Variants in TNFSF10 observed in about 807,000 individuals in gnomAD.
The protein encoded by TNFSF10 is tumor necrosis factor ligand superfamily member 10.
In TNFSF10, 13 loss-of-function variants were observed where a neutral mutation model predicts 29.5. The ratio of observed to expected loss-of-function variants is 0.44; its 90% CI spans 0.29 to 0.70. The LOEUF is 0.70. Among genes scored for constraint, TNFSF10 ranks in the 30% least tolerant of loss-of-function variants. The pLI is 0.13. For synonymous variants in TNFSF10, 111 were observed against 112.8 expected, an observed-to-expected ratio of 0.98 and a Z score of 0.10; for missense variants, 345 against 330.9, an observed-to-expected ratio of 1.04 and a Z score of -0.33.
chr3:172,518,221 A>T lies in TNFSF10; in HGVS notation c.133-3223T>A, dbSNP rs1349147201. 2.7e-6 allele frequency: 3 copies of T among 1,118,372 alleles called. No individual in the cohort carries two copies. In the Admixed American group the frequency reaches 1.4e-4, roughly 52 times the overall value. The allele number at this position is 1,118,372 out of a possible 1,614,324, so 69.3% of individuals were successfully genotyped here. A position where few individuals can be genotyped will look rare whatever the true frequency, so the allele number is the denominator to read the frequency against. Reference sequence around the variant, plus strand: ...GATTATTTTCATTTGCGTGCCTCTGAAAAGAAAGCTCTTGCACTGGGTGCC... The same window carrying T: ...GATTATTTTCATTTGCGTGCCTCTGTAAAGAAAGCTCTTGCACTGGGTGCC... On this transcript the variant is annotated intron_variant, in intron 1 of 4. Coordinates refer to ENST00000241261, the MANE Select transcript of TNFSF10 (RefSeq NM_003810.4).
At position 172,523,380 on chromosome 3, in the gene TNFSF10, G is replaced by A. The variant is rs542077277; in HGVS notation, c.5C>T (p.Ala2Val). 1.8e-5 allele frequency: 29 copies of A among 1,613,268 alleles called. No individual in the cohort carries two copies. Among genetic ancestry groups the A allele is most frequent in the Non-Finnish European group, 2.4e-5 (28 of 1,179,478 alleles). The stretch of plus-strand genomic sequence containing the variant: ...GGGTCCCCCCTGGACCTCCATCATA[G>A]CCATGATCCTGTCAGAGTCTGACTG... MAMMEVQGGPSL... is the reference protein window; with the variant it reads MVMMEVQGGPSL... The change falls in exon 1 of 5, where the codon GCT becomes GTT. Residue 2 changes from alanine to valine, a missense_variant. By Grantham distance (64) the Ala-to-Val change is moderately conservative. Transcript: ENST00000241261.
chr3:172,506,376 T>C lies in TNFSF10; in HGVS notation c.*116A>G. ...TACTCAGATTGCATAGAGGTTTTTT[T>C]GTTTTCTGTTTTCTGTTTGTTTGTT... On this transcript the variant is annotated 3_prime_UTR_variant, in exon 5 of 5. Transcript: ENST00000241261. 7.5e-7 allele frequency: 1 copy of C among 1,326,728 alleles called. No homozygotes were observed. The highest frequency in any genetic ancestry group is 2.5e-5 in the East Asian group (1 of 40,082). 82.2% of individuals were successfully genotyped at this position (1,326,728 alleles called of 1,614,324 possible).
Position 172,506,429 on chromosome 3 carries a change from T to G in TNFSF10, c.*63A>C. The G allele has an allele frequency of 1.3e-6, 2 of 1,499,032 alleles. No individual in the cohort carries two copies. 92.9% of individuals were successfully genotyped at this position (1,499,032 alleles called of 1,614,324 possible). ...GGTCAGATTTTTTGAAACATCTTCATAGTGTATCATCCTGAAAACTGAATA... is the reference window on the plus strand; with the variant it reads ...GGTCAGATTTTTTGAAACATCTTCAGAGTGTATCATCCTGAAAACTGAATA... On this transcript the variant is annotated 3_prime_UTR_variant, in exon 5 of 5. Coordinates refer to ENST00000241261, the MANE Select transcript of TNFSF10 (RefSeq NM_003810.4).
intron 4 of TNFSF10, among the ~76,000 whole-genome samples, chr3:172,508,154 G>A (rs547763052): frequency 3.9e-5 from 6 of 152,088 alleles, no homozygotes; most frequent in East Asian, 1.9e-4. Flanking sequence ...GACCAGCCTC[G>A]TGTAGTGGTG....
chr3:172,514,336 A>G (rs1440742967), intron 2 of TNFSF10, among the ~76,000 whole-genome samples: 1 of 152,152 alleles, frequency 6.6e-6, no homozygotes, highest in African/African-American at 2.4e-5. Flanking sequence ...AGAAAAAACC[A>G]CCTTCAATTT....
chr3:172,515,212 T>G (rs895184912), intron 1 of TNFSF10, among the ~76,000 whole-genome samples: 1 of 151,916 alleles, frequency 6.6e-6, no homozygotes, highest in African/African-American at 2.4e-5. Flanking sequence ...GTGGAAAGGA[T>G]GCAGGTGTGC....
Position 172,506,739 on chromosome 3 carries a change from GTGTTT to G in TNFSF10, c.594_598del (p.Glu198AspfsTer19). 6.2e-7 allele frequency: 1 copy of G among 1,614,132 alleles called. No homozygotes were observed. Among genetic ancestry groups the G allele is most frequent in the Non-Finnish European group, 8.5e-7 (1 of 1,180,008 alleles). Reference sequence around the variant, plus strand: ...TTGGACCATTTGTTTGTCGTTCTTTGTGTTTTCTTTTATTTCCTCCTGAAATCGAA... The same window carrying G: ...TTGGACCATTTGTTTGTCGTTCTTTGTCTTTTATTTCCTCCTGAAATCGAA... On this transcript the variant is annotated frameshift_variant, in exon 5 of 5. Coordinates refer to ENST00000241261, the MANE Select transcript of TNFSF10 (RefSeq NM_003810.4). LOFTEE classifies it high-confidence loss of function.
At chr3:172,511,057 G>A (rs1317724780) in intron 3 of TNFSF10, among the ~76,000 whole-genome samples, 1 of 152,162 alleles carries the variant, frequency 6.6e-6, no homozygotes, top group East Asian at 1.9e-4. Flanking sequence ...GCCAGCCTGG[G>A]CAACAGTAGT....
intron 4 of TNFSF10, among the ~76,000 whole-genome samples, chr3:172,507,861 A>G (rs1713052531): frequency 6.6e-6 from 1 of 152,214 alleles, no homozygotes; most frequent in South Asian, 2.1e-4. Context: ...GCCTCTGACA[A>G]AAATAAAGGT....
intron 1 of TNFSF10, among the ~76,000 whole-genome samples, chr3:172,519,034 A>G (rs976008309): frequency 1.1e-4 from 17 of 152,240 alleles, no homozygotes; most frequent in African/African-American, 4.1e-4. Context: ...AATCTTGAAC[A>G]AATCTCTTAA....
intron 2 of TNFSF10, among the ~76,000 whole-genome samples, chr3:172,512,886 A>G (rs1019029179): frequency 6.6e-6 from 1 of 152,228 alleles, no homozygotes; most frequent in Admixed American, 6.5e-5. Context: ...AAGTTATTTA[A>G]CTGATCTAAA....
At chr3:172,517,799 A>C in intron 1 of TNFSF10, 1 of 982,266 alleles carries the variant, frequency 1.0e-6, no homozygotes, top group Non-Finnish European at 1.2e-6. Context: ...GAAAAATAAA[A>C]AGGAAAAAAA....
Position 172,505,550 on chromosome 3 carries a change from T to C in TNFSF10, c.*942A>G, listed in dbSNP as rs1712943581. The C allele has an allele frequency of 6.6e-6, 1 of 152,100 alleles. No homozygotes were observed. The highest frequency in any genetic ancestry group is 2.1e-4 in the South Asian group (1 of 4,826). The allele number at this position is 152,100 out of a possible 1,614,324, so 9.4% of individuals were successfully genotyped here. A position where few individuals can be genotyped will look rare whatever the true frequency, so the allele number is the denominator to read the frequency against. ...TAAGAAATTTATTTCTTCTGTAATA[T>C]GTGTCAAAGATATTATGAAAAAAAG... On this transcript the variant is annotated 3_prime_UTR_variant, in exon 5 of 5. Transcript: ENST00000241261.
chr3:172,516,579 T>C (rs918089728), intron 1 of TNFSF10, among the ~76,000 whole-genome samples: 3 of 152,220 alleles, frequency 2.0e-5, no homozygotes, highest in Admixed American at 2.0e-4. Context: ...ACATAGATCA[T>C]TCATTTACTT....
chr3:172,506,936 G>A lies in TNFSF10; in HGVS notation c.419-17C>T, dbSNP rs9865753. 3.2e-6 allele frequency: 5 copies of A among 1,559,078 alleles called. No individual in the cohort carries two copies. The Admixed American group carries it at 1.0e-4, about 33-fold the overall frequency. ...TCTTGGAGTCTGTAGGAAATTTAGA[G>A]AGAAAGAGCGTTAACAGAAGGGAAT... is the stretch of plus-strand genomic sequence containing the variant. On this transcript the variant is annotated splice_polypyrimidine_tract_variant and intron_variant, in intron 4 of 4. Transcript: ENST00000241261.
chr3:172,517,524 C>A (rs1340674780), intron 1 of TNFSF10: 13 of 984,302 alleles, frequency 1.3e-5, no homozygotes, highest in Non-Finnish European at 1.6e-5. Context: ...AAAAAAAAAA[C>A]CCTCCAAAAA....
chr3:172,517,877 T>G (rs1330161501), intron 1 of TNFSF10: 22 of 985,312 alleles, frequency 2.2e-5, no homozygotes, highest in Non-Finnish European at 2.4e-5. Context: ...GACCTTTTTA[T>G]GCATAAATAT....
At chr3:172,514,192 C>T (rs1402024315) in intron 2 of TNFSF10, among the ~76,000 whole-genome samples, 1 of 152,180 alleles carries the variant, frequency 6.6e-6, no homozygotes, top group Non-Finnish European at 1.5e-5. Flanking sequence ...AGAGAAGAAA[C>T]TTGATTAGAT....
chr3:172,519,371 G>A (rs975965559), intron 1 of TNFSF10, among the ~76,000 whole-genome samples: 7 of 75,438 alleles, frequency 9.3e-5, no homozygotes, highest in African/African-American at 1.6e-4. Flanking sequence ...AGTCAGTTGA[G>A]TAAAGAACTG....
Sources: allele counts gnomAD v4.1 joint callset (sites outside exome capture counted in the v4.1 genomes callset), GRCh38; gene constraint gnomAD v4.1.1; transcripts MANE v1.5; gene names NCBI Gene and HGNC (gene_info 2026-07-23, HGNC 2026-07-21).